PRMT8: variants seen among roughly 807,000 people sequenced by gnomAD.
The protein encoded by PRMT8 is protein arginine methyltransferase 8.
Under a neutral mutation model 47.1 loss-of-function variants are expected in PRMT8, and 7 were observed. The observed-to-expected ratio is 0.15, with a 90% CI of 0.08 to 0.28. The LOEUF is 0.28. PRMT8 is among the 10% of genes least tolerant of loss of function. The pLI, the probability that PRMT8 is intolerant of heterozygous loss-of-function variation, is 1.00. For synonymous variants in PRMT8, 188 were observed against 186.5 expected (o/e 1.01, Z -0.07); for missense variants, 237 against 505.4 (o/e 0.47, Z 5.09).
At chr12:3,542,495 T>C (rs1043002902) in intron 2 of PRMT8, among the ~76,000 whole-genome samples, 1 of 152,174 alleles carries the variant, frequency 6.6e-6, no homozygotes, top group Non-Finnish European at 1.5e-5. Flanking sequence ...CAAGACCTTG[T>C]CCCTAATTAA....
chr12:3,393,226 C>T (rs528619268), intron 1 of PRMT8, among the ~76,000 whole-genome samples: 96 of 152,196 alleles, frequency 6.3e-4, no homozygotes, highest in African/African-American at 2.2e-3. Flanking sequence ...AATTAGATCC[C>T]GTTTGTCAAT....
chr12:3,407,878 CTTCTGCTTGAT>C (rs1864388876), intron 1 of PRMT8, among the ~76,000 whole-genome samples: 2 of 151,754 alleles, frequency 1.3e-5, no homozygotes, highest in African/African-American at 4.8e-5. Flanking sequence ...CAAATTCTTT[CTTCTGCTTGAT>C]CTAGTTTGCT....
At chr12:3,546,963 T>C (rs1866336834) in intron 2 of PRMT8, among the ~76,000 whole-genome samples, 1 of 152,190 alleles carries the variant, frequency 6.6e-6, no homozygotes, top group Non-Finnish European at 1.5e-5. Context: ...AAAGTGTTCA[T>C]TTAACATTAA....
At chr12:3,464,016 C>A (rs912448089) in intron 1 of PRMT8, among the ~76,000 whole-genome samples, 1 of 152,102 alleles carries the variant, frequency 6.6e-6, no homozygotes, top group African/African-American at 2.4e-5. Flanking sequence ...ACAGAAGATA[C>A]GGGGCGGAGG....
chr12:3,465,288 AATAT>A (rs1324302788), intron 1 of PRMT8, among the ~76,000 whole-genome samples: 1 of 114,180 alleles, frequency 8.8e-6, no homozygotes, highest in Non-Finnish European at 2.0e-5. Context: ...AAAAATATAT[AATAT>A]ATAATAAAAT....
At chr12:3,424,810 G>C (rs1418841289) in intron 1 of PRMT8, among the ~76,000 whole-genome samples, 2 of 152,160 alleles carry the variant, frequency 1.3e-5, no homozygotes, top group Admixed American at 6.5e-5. Flanking sequence ...TCAGTGACTT[G>C]ATGTATATAC....
intron 1 of PRMT8, among the ~76,000 whole-genome samples, chr12:3,443,124 G>A (rs1391579907): frequency 6.6e-6 from 1 of 152,194 alleles, no homozygotes; most frequent in Non-Finnish European, 1.5e-5. Context: ...GAATGAATGA[G>A]TGATCCTAAG....
At chr12:3,443,847 C>T (rs911186433) in intron 1 of PRMT8, among the ~76,000 whole-genome samples, 5 of 152,206 alleles carry the variant, frequency 3.3e-5, no homozygotes, top group African/African-American at 9.6e-5. Flanking sequence ...GGTTCAGCCA[C>T]GATTGCTTTT....
chr12:3,497,144 G>C (rs1865522981), intron 1 of PRMT8, among the ~76,000 whole-genome samples: 2 of 152,136 alleles, frequency 1.3e-5, no homozygotes, highest in African/African-American at 4.8e-5. Flanking sequence ...GCCAGCAGGG[G>C]GAAAATGGGC....
rs1247003546 is a variant in PRMT8 at position 3,557,988 on chromosome 12, C to A, written c.481+4274C>A. ...TCTGACCCAGCCCCTGACTCTTCGTCTCCCTCTCAGTGCCAGCCCACCCCC... is the reference window on the plus strand; with the variant it reads ...TCTGACCCAGCCCCTGACTCTTCGTATCCCTCTCAGTGCCAGCCCACCCCC... On this transcript the variant is annotated intron_variant, in intron 4 of 9. Coordinates refer to ENST00000382622, the MANE Select transcript of PRMT8 (RefSeq NM_019854.5). This position sits in a 1 kb window ranked among gnomAD's most constrained non-coding sequence, Gnocchi z 4.7. 2.0e-5 allele frequency among the ~76,000 whole-genome samples: 3 copies of A among 152,170 alleles called. No homozygotes were observed. Among genetic ancestry groups the A allele is most frequent in the Non-Finnish European group, 2.9e-5 (2 of 68,030 alleles).
At chr12:3,458,818 C>T (rs567607171) in intron 1 of PRMT8, among the ~76,000 whole-genome samples, 2 of 152,302 alleles carry the variant, frequency 1.3e-5, no homozygotes, top group Admixed American at 6.5e-5. Flanking sequence ...CACTCCCTTC[C>T]GAGGGCTGTC....
chr12:3,404,227 G>T (rs564092909), intron 1 of PRMT8, among the ~76,000 whole-genome samples: 19 of 151,860 alleles, frequency 1.3e-4, no homozygotes, highest in Non-Finnish European at 1.0e-4. Context: ...TTTACTACAC[G>T]TATGTATTTC....
At chr12:3,402,723 A>G (rs1007006823) in intron 1 of PRMT8, among the ~76,000 whole-genome samples, 8 of 152,252 alleles carry the variant, frequency 5.3e-5, no homozygotes, top group African/African-American at 1.7e-4. Context: ...GAAAAAGCTC[A>G]ACATCCCTGA....
intron 1 of PRMT8, among the ~76,000 whole-genome samples, chr12:3,425,244 T>C (rs1864591071): frequency 6.6e-6 from 1 of 152,250 alleles, no homozygotes; most frequent in Non-Finnish European, 1.5e-5. Flanking sequence ...CCTTTGGTAT[T>C]TATTAAAGTC....
intron 1 of PRMT8, among the ~76,000 whole-genome samples, chr12:3,414,903 G>A (rs1186627191): frequency 6.6e-6 from 1 of 151,928 alleles, no homozygotes; most frequent in African/African-American, 2.4e-5. Context: ...GTCTTTTTAT[G>A]AGCACAGGAT....
intron 1 of PRMT8, among the ~76,000 whole-genome samples, chr12:3,452,191 C>G (rs1181993877): frequency 2.0e-5 from 3 of 151,902 alleles, no homozygotes; most frequent in Non-Finnish European, 4.4e-5. Flanking sequence ...AGGGAGAGGA[C>G]CAGGAAAAAT....
At chr12:3,481,998 A>G (rs1015569229) in intron 1 of PRMT8, among the ~76,000 whole-genome samples, 1 of 152,026 alleles carries the variant, frequency 6.6e-6, no homozygotes. Flanking sequence ...GGCTTCAGGG[A>G]CTCTGTTATC....
chr12:3,417,017 A>G (rs1200245815), intron 1 of PRMT8, among the ~76,000 whole-genome samples: 1 of 152,248 alleles, frequency 6.6e-6, no homozygotes, highest in African/African-American at 2.4e-5. Flanking sequence ...CCTGTTTAGC[A>G]GAGGGAACCT....
chr12:3,390,977 A>C (rs1864187216), intron 1 of PRMT8, among the ~76,000 whole-genome samples: 1 of 152,202 alleles, frequency 6.6e-6, no homozygotes, highest in African/African-American at 2.4e-5. Context: ...CTAGTAGGAG[A>C]GGCCAATGGT....
Sources: allele counts gnomAD v4.1 joint callset (sites outside exome capture counted in the v4.1 genomes callset), GRCh38; gene constraint gnomAD v4.1.1; non-coding constraint Gnocchi (gnomAD v3.1); transcripts MANE v1.5; gene names NCBI Gene and HGNC (gene_info 2026-07-23, HGNC 2026-07-21).